APBB1IP: variants seen among roughly 807,000 people sequenced by gnomAD.
APBB1IP encodes amyloid beta A4 precursor protein-binding family B member 1-interacting protein.
APBB1IP carries 27 observed loss-of-function variants against 64.9 expected under a neutral mutation model. The ratio of observed to expected loss-of-function variants is 0.42; its 90% CI spans 0.31 to 0.57. APBB1IP has a LOEUF of 0.57. Among genes scored for constraint, APBB1IP ranks in the 20% least tolerant of loss-of-function variants. APBB1IP has a pLI of 0.20. For synonymous variants in APBB1IP, 392 were observed against 331.0 expected (o/e 1.18, Z -2.00); for missense variants, 812 against 845.5 (o/e 0.96, Z 0.49).
intron 2 of APBB1IP, among the ~76,000 whole-genome samples, chr10:26,472,050 TG>T (rs1248591185): frequency 6.6e-6 from 1 of 152,124 alleles, no homozygotes; most frequent in African/African-American, 2.4e-5. Flanking sequence ...TCTAATCCTC[TG>T]GGGTTTTCAG....
At chr10:26,544,143 A>G (rs1474744097) in intron 11 of APBB1IP, among the ~76,000 whole-genome samples, 2 of 152,186 alleles carry the variant, frequency 1.3e-5, no homozygotes, top group Non-Finnish European at 2.9e-5. Flanking sequence ...GACACAAAGC[A>G]TCGCCCACTA....
chr10:26,548,994 T>G (rs1588615621), intron 11 of APBB1IP, among the ~76,000 whole-genome samples: 1 of 152,370 alleles, frequency 6.6e-6, no homozygotes, highest in East Asian at 1.9e-4. Context: ...TATATAAACT[T>G]TATTACGTTG....
At position 26,442,133 on chromosome 10, in the gene APBB1IP, G is replaced by C. The variant is rs1400892100; in HGVS notation, c.-1+3280G>C. 2.0e-5 allele frequency among the ~76,000 whole-genome samples: 3 copies of C among 152,188 alleles called. No homozygotes were observed. The East Asian group carries it at 5.8e-4, about 29-fold the overall frequency. ...AGATGTAGAATTCCATGCGGAACCA[G>C]AGTTGAGTGCTGTGGGACTACATAT... On this transcript the variant is annotated intron_variant, in intron 2 of 14. Transcript: ENST00000376236.
intron 2 of APBB1IP, among the ~76,000 whole-genome samples, chr10:26,477,432 T>C (rs1023501821): frequency 3.3e-5 from 5 of 152,188 alleles, no homozygotes; most frequent in African/African-American, 1.2e-4. Flanking sequence ...TACCCTGGAG[T>C]TTGACTTTGC....
At chr10:26,527,748 A>G (rs1416813682) in intron 8 of APBB1IP, among the ~76,000 whole-genome samples, 3 of 141,536 alleles carry the variant, frequency 2.1e-5, no homozygotes, top group Non-Finnish European at 4.5e-5. Flanking sequence ...GCTGGAGTGC[A>G]ATGGCACGAT....
At position 26,567,005 on chromosome 10, in the gene APBB1IP, C is replaced by T; in HGVS notation, c.1518C>T (p.Pro506=). The change falls in exon 15 of 15, where the codon CCC becomes CCT. Residue 506 remains proline, a synonymous_variant. Coordinates refer to ENST00000376236, the MANE Select transcript of APBB1IP (RefSeq NM_019043.4). ...ALGNHHDPAV[P]RAPHAPKSSL... ...GGAACCACCACGACCCGGCAGTGCCCCGGGCCCCGCACGCCCCCAAGTCCA... is the reference window on the plus strand; with the variant it reads ...GGAACCACCACGACCCGGCAGTGCCTCGGGCCCCGCACGCCCCCAAGTCCA... 1 of 1,577,512 alleles carries T rather than the reference C, an allele frequency of 6.3e-7. No individual in the cohort carries two copies. Among genetic ancestry groups the T allele is most frequent in the Non-Finnish European group, 8.5e-7 (1 of 1,171,044 alleles).
chr10:26,530,260 A>G (rs576077503), intron 8 of APBB1IP, among the ~76,000 whole-genome samples: 2 of 123,384 alleles, frequency 1.6e-5, no homozygotes, highest in South Asian at 5.0e-4. Context: ...CGAGGCCCCC[A>G]CTGTGTGACC....
intron 10 of APBB1IP, among the ~76,000 whole-genome samples, chr10:26,538,957 A>G (rs1166820464): frequency 6.6e-6 from 1 of 152,266 alleles, no homozygotes; most frequent in Non-Finnish European, 1.5e-5. Flanking sequence ...GTTGGAATTT[A>G]TATCACAGCA....
rs555569611 is a variant in APBB1IP, at chr10:26,557,846, C to T, written c.1156-2259C>T. ...TCAGATTCCAACTGAAGTTTAAAGACACGAGACCCTTTGCTTAGAACAACT... is the reference window on the plus strand; with the variant it reads ...TCAGATTCCAACTGAAGTTTAAAGATACGAGACCCTTTGCTTAGAACAACT... On this transcript the variant is annotated intron_variant, in intron 11 of 14. Coordinates refer to ENST00000376236, the MANE Select transcript of APBB1IP (RefSeq NM_019043.4). 3.3e-5 allele frequency among the ~76,000 whole-genome samples: 5 copies of T among 152,274 alleles called. No individual in the cohort carries two copies. In the South Asian group the frequency reaches 1.0e-3, roughly 32 times the overall value.
chr10:26,443,532 C>CTTTATTTA (rs71401892), intron 2 of APBB1IP, among the ~76,000 whole-genome samples: 50,581 of 151,144 alleles, frequency 0.33, 8,571 homozygotes, highest in South Asian at 0.47. Flanking sequence ...GTCATCTCCA[C>CTTTATTTA]TTTATTTATT....
rs747850989 is a variant in APBB1IP at position 26,560,819 on chromosome 10, A to G, written c.1344A>G (p.Ala448=). The change falls in exon 13 of 15, where the codon GCA becomes GCG. Residue 448 remains alanine (A), a synonymous_variant. Coordinates refer to ENST00000376236, the MANE Select transcript of APBB1IP (RefSeq NM_019043.4). ...GGACAAACTTGGGGACAGTCAATGC[A>G]GCTGCACCAGCTCAGCCATCTACAG... ...SRWTNLGTVN[A]AAPAQPSTGP... The G allele has an allele frequency of 4.4e-6, 7 of 1,601,842 alleles. No homozygotes were observed. The highest frequency in any genetic ancestry group is 6.0e-6 in the Non-Finnish European group (7 of 1,174,654).
Position 26,567,006 on chromosome 10 carries a change from C to G in APBB1IP, c.1519C>G (p.Arg507Gly). The change falls in exon 15 of 15, where the codon CGG becomes GGG. Residue 507 changes from arginine (R) to glycine (G), a missense_variant. By Grantham distance (125) the Arg-to-Gly change is moderately radical. Transcript: ENST00000376236. ...LGNHHDPAVP[R>G]APHAPKSSLP... The stretch of plus-strand genomic sequence containing the variant: ...GAACCACCACGACCCGGCAGTGCCC[C>G]GGGCCCCGCACGCCCCCAAGTCCAG... The G allele has an allele frequency of 6.3e-7, 1 of 1,576,972 alleles. No homozygotes were observed. Among genetic ancestry groups the G allele is most frequent in the Admixed American group, 1.7e-5 (1 of 57,756 alleles).
At chr10:26,487,635 T>C (rs1187327214) in intron 2 of APBB1IP, among the ~76,000 whole-genome samples, 1 of 152,028 alleles carries the variant, frequency 6.6e-6, no homozygotes, top group Non-Finnish European at 1.5e-5. Flanking sequence ...CAGGGAGAGG[T>C]CACGAGAACG....
chr10:26,479,548 T>C (rs1303424414), intron 2 of APBB1IP, among the ~76,000 whole-genome samples: 1 of 152,114 alleles, frequency 6.6e-6, no homozygotes, highest in Middle Eastern at 3.2e-3. Context: ...CTGCCTAAAA[T>C]GAAACTCTTT....
rs58760977 is a variant in APBB1IP at position 26,562,929 on chromosome 10, A to G, written c.1473+500A>G. Among the ~76,000 whole-genome samples the G allele has an allele frequency of 1.0e-2, 1,522 of 152,346 alleles. 28 individuals are homozygous for G. Among genetic ancestry groups the G allele is most frequent in the African/African-American group, 0.035 (1,462 of 41,586 alleles). On this transcript the variant is annotated intron_variant, in intron 14 of 14. Coordinates refer to ENST00000376236, the MANE Select transcript of APBB1IP (RefSeq NM_019043.4). Reference sequence around the variant, plus strand: ...ACATATGCTAGAATCAAAAGTTAAAACCAGCTATCATCACACTGCTTAGGA... The same window carrying G: ...ACATATGCTAGAATCAAAAGTTAAAGCCAGCTATCATCACACTGCTTAGGA...
chr10:26,555,337 T>G (rs953720783), intron 11 of APBB1IP, among the ~76,000 whole-genome samples: 1 of 152,198 alleles, frequency 6.6e-6, no homozygotes, highest in Non-Finnish European at 1.5e-5. Context: ...ACCAGCTTAA[T>G]TTCTGCTTCT....
At chr10:26,444,204 C>A (rs1835367424) in intron 2 of APBB1IP, among the ~76,000 whole-genome samples, 1 of 152,012 alleles carries the variant, frequency 6.6e-6, no homozygotes, top group African/African-American at 2.4e-5. Flanking sequence ...AACAAGAAGG[C>A]CCCTGTAGTT....
chr10:26,446,660 A>G (rs965043028), intron 2 of APBB1IP, among the ~76,000 whole-genome samples: 4 of 152,190 alleles, frequency 2.6e-5, no homozygotes, highest in African/African-American at 9.7e-5. Flanking sequence ...CCACACGTCT[A>G]TTGATGGCCA....
intron 11 of APBB1IP, among the ~76,000 whole-genome samples, chr10:26,552,535 G>T (rs1255889192): frequency 6.6e-6 from 1 of 151,892 alleles, no homozygotes; most frequent in East Asian, 1.9e-4. Flanking sequence ...GGAGTTTCAG[G>T]GTGCCGTGAG....
Sources: allele counts gnomAD v4.1 joint callset (sites outside exome capture counted in the v4.1 genomes callset), GRCh38; gene constraint gnomAD v4.1.1; transcripts MANE v1.5; gene names NCBI Gene and HGNC (gene_info 2026-07-23, HGNC 2026-07-21).